RTN3: variants seen among roughly 807,000 people sequenced by gnomAD.
RTN3 encodes reticulon 3.
RTN3 carries 49 observed loss-of-function variants against 77.8 expected under a neutral mutation model. That is an observed-to-expected ratio of 0.63 (90% CI 0.50 to 0.80). The LOEUF (loss-of-function observed/expected upper bound fraction) is 0.80. Among genes scored for constraint, RTN3 ranks in the 30% least tolerant of loss-of-function variants. RTN3 has a pLI of 0.00. For synonymous variants in RTN3, 464 were observed against 446.9 expected (o/e 1.04, Z -0.48); for missense variants, 1,236 against 1,211.9 (o/e 1.02, Z -0.29).
intron 1 of RTN3, among the ~76,000 whole-genome samples, chr11:63,693,748 T>G (rs568421256): frequency 3.5e-4 from 54 of 152,220 alleles, no homozygotes; most frequent in Non-Finnish European, 5.4e-4. Flanking sequence ...TCTTCTGGAC[T>G]GTAGGTATTT....
intron 1 of RTN3, among the ~76,000 whole-genome samples, chr11:63,685,528 A>C (rs1162939709): frequency 2.0e-5 from 3 of 149,920 alleles, no homozygotes; most frequent in African/African-American, 7.3e-5. Context: ...AATGTGTTGT[A>C]ATCATTTTTA....
chr11:63,730,777 C>G (rs2012633820), intron 3 of RTN3, among the ~76,000 whole-genome samples: 1 of 152,154 alleles, frequency 6.6e-6, no homozygotes, highest in South Asian at 2.1e-4. Flanking sequence ...CATGATCACA[C>G]CACTGCACTC....
rs1284413886 is a variant in RTN3 at position 63,759,576 on chromosome 11, T to G, written c.*1375T>G. The G allele has an allele frequency of 2.0e-5, 3 of 152,634 alleles. No homozygotes were observed. Among genetic ancestry groups the G allele is most frequent in the Non-Finnish European group, 4.4e-5 (3 of 68,038 alleles). The allele number at this position is 152,634 out of a possible 1,614,324, so 9.5% of individuals were successfully genotyped here. On this transcript the variant is annotated 3_prime_UTR_variant, in exon 9 of 9. Transcript: ENST00000377819. ...GTAGGAAGTGCATTCTCCATCCTCA[T>G]CCTCTGCCCTCCCAGGAAGTCAGTG...
intron 2 of RTN3, among the ~76,000 whole-genome samples, chr11:63,709,584 T>TAA (rs35947507): frequency 6.7e-6 from 1 of 148,686 alleles, no homozygotes; most frequent in Admixed American, 6.7e-5. Context: ...AGCCTTTTTT[T>TAA]AAAAAAAAAA....
intron 2 of RTN3, among the ~76,000 whole-genome samples, chr11:63,707,964 G>A (rs765060482): frequency 6.6e-6 from 1 of 152,210 alleles, no homozygotes; most frequent in African/African-American, 2.4e-5. Flanking sequence ...GGGGCCCTAC[G>A]TCATTGGCAG....
chr11:63,727,872 A>G (rs2012396131), intron 3 of RTN3, among the ~76,000 whole-genome samples: 1 of 152,174 alleles, frequency 6.6e-6, no homozygotes, highest in Admixed American at 6.5e-5. Flanking sequence ...AATGGCTGAA[A>G]TTTTCTTAAA....
Position 63,751,644 on chromosome 11 carries a change from A to AT in RTN3, c.2739-859dup, listed in dbSNP as rs373099228. Reference sequence around the variant, plus strand: ...TTCTGGCCACACCTGTGCTCCTTGTATTTTCTCTTGGTGGAAATAGAAGGA... The same window carrying AT: ...TTCTGGCCACACCTGTGCTCCTTGTATTTTTCTCTTGGTGGAAATAGAAGGA... On this transcript the variant is annotated intron_variant, in intron 4 of 8. Transcript: ENST00000377819. Among the ~76,000 whole-genome samples the AT allele has an allele frequency of 2.1e-3, 315 of 152,142 alleles. 1 individual carries two copies. Among genetic ancestry groups the AT allele is most frequent in the African/African-American group, 7.1e-3 (296 of 41,506 alleles).
intron 3 of RTN3, among the ~76,000 whole-genome samples, chr11:63,738,363 G>C (rs562750870): frequency 6.6e-6 from 1 of 152,210 alleles, no homozygotes; most frequent in East Asian, 1.9e-4. Context: ...GAAGTGGCTG[G>C]GTTCAGTGAT....
chr11:63,726,145 A>G (rs1372815840), intron 3 of RTN3, among the ~76,000 whole-genome samples: 1 of 152,226 alleles, frequency 6.6e-6, no homozygotes, highest in Admixed American at 6.5e-5. Context: ...CTTATGGCCA[A>G]GTAGGCTTTT....
chr11:63,691,365 C>A (rs1941649376), intron 1 of RTN3, among the ~76,000 whole-genome samples: 1 of 151,960 alleles, frequency 6.6e-6, no homozygotes, highest in African/African-American at 2.4e-5. Flanking sequence ...AGGAGATCCA[C>A]CCTCCTTGGC....
chr11:63,752,783 G>T, intron 5 of RTN3, 138 bp downstream of exon 5: 1 of 912,402 alleles, frequency 1.1e-6, no homozygotes, highest in Non-Finnish European at 1.7e-6. Flanking sequence ...TAATGGGATA[G>T]GTGTCACTAG....
At chr11:63,741,898 A>G (rs1024947396) in intron 3 of RTN3, among the ~76,000 whole-genome samples, 3 of 151,728 alleles carry the variant, frequency 2.0e-5, no homozygotes, top group Non-Finnish European at 4.4e-5. Flanking sequence ...GTACTATAGC[A>G]TCTTGATAAT....
rs113891559 is a variant in RTN3, at chr11:63,752,520, G to A, written c.2752G>A (p.Val918Ile). 66 of 1,613,208 alleles carry A rather than the reference G, an allele frequency of 4.1e-5. No homozygotes were observed. The highest frequency in any genetic ancestry group is 1.7e-4 in the Middle Eastern group (1 of 6,058). ...EGHPFKAYLD[V>I]DITLSSEAFH... ...TTCTTCTGGAAGAGCCTACCTGGAC[G>A]TAGACATTACTCTGTCCTCAGAAGC... Residue 918 changes from valine to isoleucine, a missense_variant, in exon 5 of 9, where the codon GTA (valine) becomes ATA (isoleucine). Val to Ile is a conservative substitution (Grantham distance 29). Coordinates refer to ENST00000377819, the MANE Select transcript of RTN3 (RefSeq NM_001265589.2).
intron 2 of RTN3, among the ~76,000 whole-genome samples, chr11:63,713,371 G>C (rs1189407906): frequency 1.3e-5 from 2 of 152,094 alleles, no homozygotes; most frequent in Admixed American, 6.6e-5. Flanking sequence ...ACCCAGGGTG[G>C]AGTGCATGGC....
rs1400785823 is a variant in RTN3, at chr11:63,681,527, G to C, written c.-110G>C. 2 of 1,164,546 alleles carry C rather than the reference G, an allele frequency of 1.7e-6. No homozygotes were observed. Among genetic ancestry groups the C allele is most frequent in the Non-Finnish European group, 2.4e-6 (2 of 845,310 alleles). The allele number at this position is 1,164,546 out of a possible 1,614,324, so 72.1% of individuals were successfully genotyped here. On this transcript the variant is annotated 5_prime_UTR_variant, in exon 1 of 9. Coordinates refer to ENST00000377819, the MANE Select transcript of RTN3 (RefSeq NM_001265589.2). ...TCTGTCGGAGTCTGTCCTCGGAGCAGGCGGAGTAAAGGGACTTGAGCGAGC... is the reference window on the plus strand; with the variant it reads ...TCTGTCGGAGTCTGTCCTCGGAGCACGCGGAGTAAAGGGACTTGAGCGAGC...
Position 63,750,114 on chromosome 11 carries a change from C to A in RTN3, c.2654C>A (p.Ala885Asp), listed in dbSNP as rs759355605. Residue 885 changes from alanine to aspartate, a missense_variant, in exon 4 of 9, where the codon GCT (alanine) becomes GAT (aspartate). Ala to Asp is a moderately radical substitution (Grantham distance 126). This residue lies in a region of RTN3 where 39 missense variants were observed against 66.6 expected (regional missense o/e 0.59). Transcript: ENST00000377819. ...VISVVSYLILALLSVTISFRI... is the reference protein window; with the variant it reads ...VISVVSYLILDLLSVTISFRI... ...AGTGTGGTTTCTTACCTCATCCTGG[C>A]TCTTCTCTCTGTCACCATCAGCTTC... 1 of 1,612,884 alleles carries A rather than the reference C, an allele frequency of 6.2e-7. No individual in the cohort carries two copies. The highest frequency in any genetic ancestry group is 2.2e-5 in the East Asian group (1 of 44,888).
intron 3 of RTN3, among the ~76,000 whole-genome samples, chr11:63,726,015 A>G (rs1490113965): frequency 2.0e-5 from 3 of 152,240 alleles, no homozygotes; most frequent in African/African-American, 7.2e-5. Flanking sequence ...CTATCTTGGT[A>G]TCATTTAAAG....
intron 3 of RTN3, among the ~76,000 whole-genome samples, chr11:63,726,919 G>A (rs1164396934): frequency 6.9e-6 from 1 of 144,876 alleles, no homozygotes; most frequent in African/African-American, 2.5e-5. Context: ...GCCAGGCACA[G>A]TGGCTCATGC....
chr11:63,740,636 G>T (rs1380885447), intron 3 of RTN3, among the ~76,000 whole-genome samples: 1 of 150,730 alleles, frequency 6.6e-6, no homozygotes, highest in African/African-American at 2.4e-5. Context: ...TCACTATGTT[G>T]CCCAGGCTGG....
Sources: allele counts gnomAD v4.1 joint callset (sites outside exome capture counted in the v4.1 genomes callset), GRCh38; gene constraint gnomAD v4.1.1; regional missense constraint gnomAD v4.1.1; transcripts MANE v1.5; gene names NCBI Gene and HGNC (gene_info 2026-07-23, HGNC 2026-07-21).